Variants in SUSD5 observed in about 807,000 individuals in gnomAD.
SUSD5 encodes the protein sushi domain containing 5.
In SUSD5, 33 loss-of-function variants were observed where a neutral mutation model predicts 29.5. The ratio of observed to expected loss-of-function variants is 1.12; its 90% CI spans 0.85 to 1.49. The LOEUF (loss-of-function observed/expected upper bound fraction) is 1.49. Among genes scored for constraint, SUSD5 ranks in the 40% most tolerant of loss-of-function variants. The probability of loss-of-function intolerance (pLI) is 0.00; values close to 1 mark genes in which losing one functional copy is unlikely to be tolerated. For synonymous variants in SUSD5, 308 were observed against 325.3 expected (o/e 0.95, Z 0.57); for missense variants, 776 against 800.6 (o/e 0.97, Z 0.37).
chr3:33,188,655 A>G (rs973622829), intron 3 of SUSD5, among the ~76,000 whole-genome samples: 1 of 152,170 alleles, frequency 6.6e-6, no homozygotes, highest in African/African-American at 2.4e-5. Flanking sequence ...CCTATCCTCA[A>G]AAACAGGCAA....
chr3:33,188,754 T>C (rs1255718829), intron 3 of SUSD5, among the ~76,000 whole-genome samples: 1 of 152,202 alleles, frequency 6.6e-6, no homozygotes, highest in Non-Finnish European at 1.5e-5. Flanking sequence ...GGAAAAGGAC[T>C]CCAGGGAACT....
intron 3 of SUSD5, 128 bp from the exon 4 acceptor site, chr3:33,175,202 G>A: frequency 9.9e-7 from 1 of 1,012,570 alleles, no homozygotes. Flanking sequence ...CACAGGGGCT[G>A]TTTCTTGGTC....
Position 33,204,514 on chromosome 3 carries a change from G to A in SUSD5, c.409+3294C>T, listed in dbSNP as rs987953197. On this transcript the variant is annotated intron_variant, in intron 3 of 4. Transcript: ENST00000309558. This position sits in a 1 kb window ranked among gnomAD's most constrained non-coding sequence, Gnocchi z 4.5. ...TTTTTTGTATTTTTAGTAGAGACAG[G>A]GTTTCACCATGTTAGCCAGGATGGT... Among the ~76,000 whole-genome samples the A allele has an allele frequency of 4.0e-5, 6 of 151,824 alleles. No homozygotes were observed. The highest frequency in any genetic ancestry group is 1.5e-4 in the African/African-American group (6 of 41,306).
Position 33,183,930 on chromosome 3 carries a change from C to CTTTTTTT in SUSD5, c.410-8863_410-8857dup, listed in dbSNP as rs68055129. ...AACACTTTAAATATTTTATTACCCT[C>CTTTTTTT]TTTTTTTTTTTTTTTTTTTTTTTTT... On this transcript the variant is annotated intron_variant, in intron 3 of 4. Coordinates refer to ENST00000309558, the MANE Select transcript of SUSD5 (RefSeq NM_015551.2). Among the ~76,000 whole-genome samples the CTTTTTTT allele has an allele frequency of 8.9e-3, 558 of 62,526 alleles. 66 individuals carry two copies. Among genetic ancestry groups the CTTTTTTT allele is most frequent in the Non-Finnish European group, 0.011 (386 of 35,438 alleles). The allele number at this position is 62,526 out of a possible 152,430, so 41.0% of individuals were successfully genotyped here. A position where few individuals can be genotyped will look rare whatever the true frequency, so the allele number is the denominator to read the frequency against.
At chr3:33,212,389 A>G (rs2032338547) in intron 2 of SUSD5, among the ~76,000 whole-genome samples, 1 of 152,202 alleles carries the variant, frequency 6.6e-6, no homozygotes, top group South Asian at 2.1e-4. Context: ...ATAAATTAAT[A>G]AAAATTTAAA....
chr3:33,197,379 C>A (rs974282863), intron 3 of SUSD5, among the ~76,000 whole-genome samples: 1 of 152,184 alleles, frequency 6.6e-6, no homozygotes, highest in African/African-American at 2.4e-5. Flanking sequence ...TTTGTGGGAA[C>A]ACTCGGGAAA....
intron 4 of SUSD5, among the ~76,000 whole-genome samples, chr3:33,158,235 C>T (rs1255133261): frequency 6.6e-6 from 1 of 152,200 alleles, no homozygotes; most frequent in Admixed American, 6.5e-5. Flanking sequence ...CTAAATTACA[C>T]GGAATAAATC....
At chr3:33,181,116 A>G (rs2031662976) in intron 3 of SUSD5, among the ~76,000 whole-genome samples, 1 of 152,014 alleles carries the variant, frequency 6.6e-6, no homozygotes, top group Non-Finnish European at 1.5e-5. Context: ...CAAGTTTTAA[A>G]AAATTAAAAA....
chr3:33,161,856 AAAG>A (rs1198910728), intron 4 of SUSD5, among the ~76,000 whole-genome samples: 1 of 152,210 alleles, frequency 6.6e-6, no homozygotes, highest in African/African-American at 2.4e-5. Context: ...ACATGAACTA[AAAG>A]AAGACACTGA....
chr3:33,213,918 C>T lies in SUSD5; in HGVS notation c.290+10G>A. 1 of 1,581,918 alleles carries T rather than the reference C, an allele frequency of 6.3e-7. No individual in the cohort carries two copies. Among genetic ancestry groups the T allele is most frequent in the Non-Finnish European group, 8.6e-7 (1 of 1,161,940 alleles). ...GGGTGAGTTGGAAAAGGAGTGCTCG[C>T]CTAACTTACCCAAGAGTACCATCTG... is the stretch of plus-strand genomic sequence containing the variant. On this transcript the variant is annotated intron_variant, in intron 2 of 4. Transcript: ENST00000309558.
At chr3:33,183,640 G>C (rs1638595812) in intron 3 of SUSD5, among the ~76,000 whole-genome samples, 5 of 151,876 alleles carry the variant, frequency 3.3e-5, no homozygotes, top group Admixed American at 3.3e-4. Context: ...TGATCACTAA[G>C]AATACAAAAA....
At chr3:33,208,992 T>A (rs762764299) in intron 2 of SUSD5, among the ~76,000 whole-genome samples, 1 of 152,214 alleles carries the variant, frequency 6.6e-6, no homozygotes, top group African/African-American at 2.4e-5. Context: ...AGTGTTTAAG[T>A]GCAGACTGGA....
intron 3 of SUSD5, among the ~76,000 whole-genome samples, chr3:33,191,908 A>G (rs535046826): frequency 6.6e-6 from 1 of 152,298 alleles, no homozygotes; most frequent in African/African-American, 2.4e-5. Context: ...ACTGTATTCT[A>G]GCCTGGGTGA....
At position 33,218,744 on chromosome 3, in the gene SUSD5, C is replaced by A. The variant is rs1397353152; in HGVS notation, c.54G>T (p.Gly18=). The A allele has an allele frequency of 3.6e-6, 5 of 1,381,590 alleles. No individual in the cohort carries two copies. In the South Asian group the frequency reaches 6.7e-5, roughly 18 times the overall value. 85.6% of individuals were successfully genotyped at this position (1,381,590 alleles called of 1,614,324 possible). The change falls in exon 1 of 5, where the codon GGG becomes GGT. Residue 18 remains glycine, a synonymous_variant. Coordinates refer to ENST00000309558, the MANE Select transcript of SUSD5 (RefSeq NM_015551.2). ...PPARWHRRLP[G]LWAAALLLLG... ...GCAGGAGCAGCGCCGCCGCCCAGAG[C>A]CCGGGGAGGCGTCTGTGCCAACGGG...
intron 4 of SUSD5, among the ~76,000 whole-genome samples, chr3:33,169,844 G>A (rs1297075712): frequency 6.6e-6 from 1 of 152,214 alleles, no homozygotes; most frequent in East Asian, 1.9e-4. Context: ...CGATGGAACT[G>A]AGGGTAGGGG....
In SUSD5 at chr3:33,207,864, A is replaced by G. The variant is rs1472386411; in HGVS notation, c.353T>C (p.Ile118Thr). ...GCCACCAGGAACTGGGTTGCTCTCAATTCTCACATCGACAGCTCTCATGAT... is the reference window on the plus strand; with the variant it reads ...GCCACCAGGAACTGGGTTGCTCTCAGTTCTCACATCGACAGCTCTCATGAT... ...QQIMRAVDVRIESNPVPGGTY... is the reference protein window; with the variant it reads ...QQIMRAVDVRTESNPVPGGTY... Residue 118 changes from isoleucine to threonine, a missense_variant, in exon 3 of 5, where the codon ATT (isoleucine) becomes ACT (threonine). Physicochemically the swap from Ile to Thr is moderately conservative, Grantham distance 89 (BLOSUM62 -1). Transcript: ENST00000309558. The G allele has an allele frequency of 8.1e-6, 13 of 1,613,840 alleles. No individual in the cohort carries two copies. The highest frequency in any genetic ancestry group is 1.1e-5 in the Non-Finnish European group (13 of 1,179,868).
At chr3:33,179,630 T>G (rs2031627996) in intron 3 of SUSD5, among the ~76,000 whole-genome samples, 2 of 152,238 alleles carry the variant, frequency 1.3e-5, no homozygotes, top group African/African-American at 4.8e-5. Context: ...AAGGCTATAA[T>G]AGTATTTCCA....
At chr3:33,168,561 C>T (rs1449543535) in intron 4 of SUSD5, 14 of 985,352 alleles carry the variant, frequency 1.4e-5, no homozygotes, top group African/African-American at 3.5e-5. Flanking sequence ...TGTGCTGCCC[C>T]GAGGCCTCGT....
In SUSD5 at chr3:33,204,241, T is replaced by C. The variant is rs2032172000; in HGVS notation, c.409+3567A>G. 6.6e-6 allele frequency among the ~76,000 whole-genome samples: 1 copy of C among 152,136 alleles called. No homozygotes were observed. Among genetic ancestry groups the C allele is most frequent in the Non-Finnish European group, 1.5e-5 (1 of 68,028 alleles). ...TATGTTGCCCAGGCTGGTCTCAAAC[T>C]TCTGGGCTCAAGTTATCCTCCAAAG... On this transcript the variant is annotated intron_variant, in intron 3 of 4. Coordinates refer to ENST00000309558, the MANE Select transcript of SUSD5 (RefSeq NM_015551.2). This position sits in a 1 kb window ranked among gnomAD's most constrained non-coding sequence, Gnocchi z 4.5.
Sources: gnomAD v4.1 joint callset for allele counts (sites outside exome capture counted in the v4.1 genomes callset) on GRCh38, gnomAD v4.1.1 for gene constraint, Gnocchi (gnomAD v3.1) non-coding constraint, MANE v1.5 for transcripts, NCBI Gene and HGNC (gene_info 2026-07-23, HGNC 2026-07-21) for gene names.